Variants in PHF20 observed in about 807,000 individuals in gnomAD.
The protein encoded by PHF20 is glioma-expressed antigen 2.
A neutral mutation model predicts 113.5 loss-of-function variants in PHF20; 23 were observed. The ratio of observed to expected loss-of-function variants is 0.20; its 90% CI spans 0.15 to 0.29. The LOEUF (loss-of-function observed/expected upper bound fraction) is 0.29, where lower values mean the gene tolerates loss of function less well. Ranked by LOEUF, PHF20 falls within the 10% of genes least tolerant of loss-of-function variation. PHF20 has a pLI of 1.00. For missense variants in PHF20, 943 were observed against 1,219.6 expected (o/e 0.77, Z 3.38); for synonymous variants, 434 against 457.3 (o/e 0.95, Z 0.65).
intron 14 of PHF20, 64 bp from the exon 15 acceptor site, chr20:35,931,185 A>G: frequency 9.3e-7 from 1 of 1,074,260 alleles, no homozygotes; most frequent in South Asian, 1.4e-5. Flanking sequence ...ATTGTGTGAG[A>G]GTGATGAAAT....
At position 35,938,776 on chromosome 20, in the gene PHF20, A is replaced by C; in HGVS notation, c.2380A>C (p.Asn794His). 1.2e-6 allele frequency: 2 copies of C among 1,614,088 alleles called. No individual in the cohort carries two copies. The highest frequency in any genetic ancestry group is 1.7e-6 in the Non-Finnish European group (2 of 1,179,970). ...HSGEGRSHFR[N>H]IPVTDTRSKE... is the part of the protein sequence containing the mutation. ...AGGGGAGGGGAGATCTCATTTCAGAAACATCCCTGTCACTGACACCAGGAG... is the reference window on the plus strand; with the variant it reads ...AGGGGAGGGGAGATCTCATTTCAGACACATCCCTGTCACTGACACCAGGAG... Residue 794 changes from asparagine (N) to histidine (H), a missense_variant, in exon 16 of 18, where the codon AAC becomes CAC. Asn to His is a moderately conservative substitution (Grantham distance 68). Transcript: ENST00000374012.
chr20:35,915,548 G>A (rs1390131641), intron 12 of PHF20, among the ~76,000 whole-genome samples: 1 of 151,678 alleles, frequency 6.6e-6, no homozygotes, highest in Admixed American at 6.6e-5. Context: ...CACCACGCCT[G>A]GCTAATTTTT....
intron 10 of PHF20, among the ~76,000 whole-genome samples, chr20:35,903,014 C>CTT (rs1262758553): frequency 3.5e-5 from 4 of 114,604 alleles, no homozygotes; most frequent in African/African-American, 1.4e-4. Context: ...ATTTTCTTTT[C>CTT]TTTTTTCTTT....
At position 35,941,031 on chromosome 20, in the gene PHF20, T is replaced by G. The variant is rs2055968203; in HGVS notation, c.2880T>G (p.Ile960Met). The G allele has an allele frequency of 6.2e-7, 1 of 1,613,398 alleles. No individual in the cohort carries two copies. Among genetic ancestry groups the G allele is most frequent in the South Asian group, 1.1e-5 (1 of 91,030 alleles). ...QDEVTHRMDSIEKELDVLESW... is the reference protein window; with the variant it reads ...QDEVTHRMDSMEKELDVLESW... ...AAGTTACGCACAGGATGGACTCCATTGAGAAGGAGTTGGATGGTAGGGCTC... is the reference window on the plus strand; with the variant it reads ...AAGTTACGCACAGGATGGACTCCATGGAGAAGGAGTTGGATGGTAGGGCTC... Residue 960 changes from isoleucine to methionine, a missense_variant, in exon 17 of 18, where the codon ATT (isoleucine) becomes ATG (methionine). By Grantham distance (10) the Ile-to-Met change is conservative. Coordinates refer to ENST00000374012, the MANE Select transcript of PHF20 (RefSeq NM_016436.5).
At chr20:35,840,423 A>G (rs1449650554) in intron 2 of PHF20, among the ~76,000 whole-genome samples, 2 of 152,140 alleles carry the variant, frequency 1.3e-5, no homozygotes, top group Admixed American at 6.6e-5. Flanking sequence ...CAGCCCGAGT[A>G]TTTTAACCAC....
chr20:35,863,878 G>A (rs2054264906), intron 6 of PHF20, among the ~76,000 whole-genome samples: 1 of 152,198 alleles, frequency 6.6e-6, no homozygotes, highest in Admixed American at 6.5e-5. Context: ...GAGCTCCTTG[G>A]AGAGTGATTA....
chr20:35,892,516 T>C (rs2147041782), intron 9 of PHF20, among the ~76,000 whole-genome samples: 2 of 152,228 alleles, frequency 1.3e-5, no homozygotes, highest in Middle Eastern at 6.8e-3. Context: ...GCCTTTTTTG[T>C]TATATTATAA....
intron 4 of PHF20, among the ~76,000 whole-genome samples, chr20:35,853,853 C>T (rs1014144766): frequency 6.6e-6 from 1 of 151,352 alleles, no homozygotes; most frequent in Non-Finnish European, 1.5e-5. Context: ...CTCCCAGGTT[C>T]GAGTGATTCT....
At chr20:35,834,316 G>T (rs190680231) in intron 2 of PHF20, among the ~76,000 whole-genome samples, 1 of 146,928 alleles carries the variant, frequency 6.8e-6, no homozygotes, top group African/African-American at 2.5e-5. Context: ...GCAGTGGTGC[G>T]ATCTCGGCTC....
intron 13 of PHF20, among the ~76,000 whole-genome samples, chr20:35,924,616 G>A (rs6121088): frequency 0.011 from 1,700 of 150,936 alleles, 22 homozygotes; most frequent in African/African-American, 0.038. Flanking sequence ...TTTTTTTGAC[G>A]GAGATTCGCT....
At chr20:35,911,301 C>T (rs1429787812) in intron 10 of PHF20, among the ~76,000 whole-genome samples, 1 of 152,234 alleles carries the variant, frequency 6.6e-6, no homozygotes, top group Non-Finnish European at 1.5e-5. Context: ...CTTGGCCTCC[C>T]AAAGTGCTGG....
At chr20:35,775,706 A>C (rs921699784) in intron 1 of PHF20, among the ~76,000 whole-genome samples, 13 of 130,242 alleles carry the variant, frequency 1.0e-4, no homozygotes, top group Non-Finnish European at 1.9e-4. Flanking sequence ...GTGAGCCAAA[A>C]TTGCACCACT....
At chr20:35,844,298 T>G (rs1211686030) in intron 3 of PHF20, among the ~76,000 whole-genome samples, 1 of 152,018 alleles carries the variant, frequency 6.6e-6, no homozygotes, top group Non-Finnish European at 1.5e-5. Context: ...CAGATGGGGT[T>G]TCACTGTGTT....
chr20:35,822,185 T>C (rs1192885855), intron 2 of PHF20, among the ~76,000 whole-genome samples: 1 of 152,014 alleles, frequency 6.6e-6, no homozygotes, highest in Non-Finnish European at 1.5e-5. Context: ...GGAAGATCGC[T>C]TGAATCCCAA....
chr20:35,898,549 C>G (rs371124107), intron 9 of PHF20, among the ~76,000 whole-genome samples: 1 of 152,186 alleles, frequency 6.6e-6, no homozygotes, highest in Non-Finnish European at 1.5e-5. Context: ...ATTATCGTGC[C>G]TCAGCCTCCC....
At chr20:35,854,862 A>C (rs1400896642) in intron 4 of PHF20, among the ~76,000 whole-genome samples, 1 of 152,184 alleles carries the variant, frequency 6.6e-6, no homozygotes, top group Admixed American at 6.5e-5. Flanking sequence ...CATGGAACTC[A>C]GGTTCCTTTT....
Position 35,939,012 on chromosome 20 carries a change from T to G in PHF20, c.2616T>G (p.His872Gln), listed in dbSNP as rs2055925470. ...SALDDAVNPL[H>Q]ENGDDSLSPR... is the part of the protein sequence containing the mutation. The stretch of plus-strand genomic sequence containing the variant: ...TCGACGATGCGGTCAACCCCCTCCA[T>G]GAGAACGGCGATGATTCCCTTTCCC... The change falls in exon 16 of 18, where the codon CAT (histidine) becomes CAG (glutamine). Residue 872 changes from histidine (H) to glutamine (Q), a missense_variant. Transcript: ENST00000374012. The G allele has an allele frequency of 1.9e-6, 3 of 1,613,946 alleles. No homozygotes were observed. Among genetic ancestry groups the G allele is most frequent in the Non-Finnish European group, 2.5e-6 (3 of 1,179,980 alleles).
At chr20:35,805,861 G>T (rs983394210) in intron 2 of PHF20, among the ~76,000 whole-genome samples, 1 of 150,286 alleles carries the variant, frequency 6.7e-6, no homozygotes. Flanking sequence ...ATTTTTTTCA[G>T]TTCTTTTTTT....
intron 15 of PHF20, among the ~76,000 whole-genome samples, chr20:35,935,867 A>G (rs1258234943): frequency 6.6e-6 from 1 of 152,208 alleles, no homozygotes; most frequent in African/African-American, 2.4e-5. Context: ...CTCTGTTGTC[A>G]TGGGCTCTGG....
Sources: allele counts gnomAD v4.1 joint callset (sites outside exome capture counted in the v4.1 genomes callset), GRCh38; gene constraint gnomAD v4.1.1; transcripts MANE v1.5; gene names NCBI Gene and HGNC (gene_info 2026-07-23, HGNC 2026-07-21).